Variants in NOS1 observed in about 807,000 individuals in gnomAD.
NOS1 encodes nitric oxide synthase 1, also known as NOS type I.
NOS1 carries 51 observed loss-of-function variants against 164.5 expected under a neutral mutation model. The observed-to-expected ratio is 0.31, with a 90% CI of 0.25 to 0.39. NOS1 has a LOEUF of 0.39. NOS1 is among the 10% of genes least tolerant of loss of function. The probability of loss-of-function intolerance (pLI) is 1.00; values close to 1 mark genes in which losing one functional copy is unlikely to be tolerated. For synonymous variants in NOS1, 719 were observed against 745.8 expected (o/e 0.96, Z 0.59); for missense variants, 1,362 against 1,885.6 (o/e 0.72, Z 5.14).
intron 20 of NOS1, among the ~76,000 whole-genome samples, chr12:117,236,557 A>C (rs1361770525): frequency 6.6e-6 from 1 of 152,180 alleles, no homozygotes; most frequent in Non-Finnish European, 1.5e-5. Context: ...GGGAACTTGC[A>C]CGACTGAGCC....
intron 2 of NOS1, among the ~76,000 whole-genome samples, chr12:117,324,379 C>G (rs1875136420): frequency 6.6e-6 from 1 of 152,136 alleles, no homozygotes; most frequent in African/African-American, 2.4e-5. Context: ...CTTTGGAACC[C>G]TCCTTCAGGG....
At chr12:117,226,372 G>C (rs982321330) in intron 24 of NOS1, among the ~76,000 whole-genome samples, 1 of 152,114 alleles carries the variant, frequency 6.6e-6, no homozygotes, top group African/African-American at 2.4e-5. Flanking sequence ...ATTTCCACTA[G>C]CCCATACGGT....
At chr12:117,294,213 C>T (rs1048694721) in intron 3 of NOS1, among the ~76,000 whole-genome samples, 12 of 152,124 alleles carry the variant, frequency 7.9e-5, no homozygotes, top group South Asian at 2.1e-4. Context: ...AATCCCAGGG[C>T]GGGGATGACA....
At chr12:117,283,036 T>TTATATATATATATA (rs397851004) in intron 7 of NOS1, among the ~76,000 whole-genome samples, 1 of 125,438 alleles carries the variant, frequency 8.0e-6, no homozygotes, top group African/African-American at 3.1e-5. Context: ...TCCTATAACA[T>TTATATATATATATA]TATATATATA....
chr12:117,283,342 G>A (rs905401865), intron 7 of NOS1, among the ~76,000 whole-genome samples: 40 of 152,288 alleles, frequency 2.6e-4, no homozygotes, highest in African/African-American at 9.1e-4. Context: ...GATTTCGGGC[G>A]TGAGCCACAG....
chr12:117,248,645 C>G (rs1037200325), intron 17 of NOS1, among the ~76,000 whole-genome samples: 1 of 151,938 alleles, frequency 6.6e-6, no homozygotes, highest in Admixed American at 6.6e-5. Flanking sequence ...TGAATAATGC[C>G]GCAATAAACA....
chr12:117,212,272 G>T lies in NOS1; in HGVS notation c.*3037C>A, dbSNP rs547965846. The T allele has an allele frequency of 4.1e-6, 4 of 985,106 alleles. No homozygotes were observed. The African/African-American group carries it at 7.0e-5, about 17-fold the overall frequency. 61.0% of individuals were successfully genotyped at this position (985,106 alleles called of 1,614,324 possible). A position where few individuals can be genotyped will look rare whatever the true frequency, so the allele number is the denominator to read the frequency against. On this transcript the variant is annotated 3_prime_UTR_variant, in exon 29 of 29. Transcript: ENST00000317775. ...TCAATCCACCTTGTTATACAGGTGG[G>T]TATGCAGACTCTAAAAGGTCAAGTG...
At chr12:117,226,596 C>T in intron 24 of NOS1, 87 bp downstream of exon 24, 1 of 1,132,992 alleles carries the variant, frequency 8.8e-7, no homozygotes, top group Non-Finnish European at 1.3e-6. Flanking sequence ...CTCTCTAGAA[C>T]CCTTCAGACT....
In NOS1 at chr12:117,293,351, C is replaced by T. The variant is rs879709942; in HGVS notation, c.853-2925G>A. Among the ~76,000 whole-genome samples, 5 of 152,274 alleles carry T rather than the reference C, an allele frequency of 3.3e-5. No homozygotes were observed. In the South Asian group the frequency reaches 6.2e-4, roughly 19 times the overall value. ...CCAACCATCTGTGCAGGACAAGCCA[C>T]GGGTGGGAGCTATCTTAATCATCAG... On this transcript the variant is annotated intron_variant, in intron 3 of 28. Coordinates refer to ENST00000317775, the MANE Select transcript of NOS1 (RefSeq NM_000620.5).
Position 117,215,089 on chromosome 12 carries a change from T to C in NOS1, c.*220A>G, listed in dbSNP as rs183343930. The C allele has an allele frequency of 1.6e-6, 2 of 1,240,856 alleles. No individual in the cohort carries two copies. The highest frequency in any genetic ancestry group is 4.2e-5 in the Admixed American group (1 of 23,914). The allele number at this position is 1,240,856 out of a possible 1,614,324, so 76.9% of individuals were successfully genotyped here. A position where few individuals can be genotyped will look rare whatever the true frequency, so the allele number is the denominator to read the frequency against. Reference sequence around the variant, plus strand: ...GGGAACAGAGTTTTGTAAGAGCCACTGCAGATTAGAAAAGCATTGCATCGC... The same window carrying C: ...GGGAACAGAGTTTTGTAAGAGCCACCGCAGATTAGAAAAGCATTGCATCGC... On this transcript the variant is annotated 3_prime_UTR_variant, in exon 29 of 29. Transcript: ENST00000317775.
chr12:117,214,263 C>A lies in NOS1; in HGVS notation c.*1046G>T. 1 of 985,360 alleles carries A rather than the reference C, an allele frequency of 1.0e-6. No individual in the cohort carries two copies. The highest frequency in any genetic ancestry group is 1.2e-6 in the Non-Finnish European group (1 of 829,932). The allele number at this position is 985,360 out of a possible 1,614,324, so 61.0% of individuals were successfully genotyped here. ...GGCACCAAAGCTTTAACATTTAATC[C>A]ATTCATATTCTTTAGGTTCGTATGA... On this transcript the variant is annotated 3_prime_UTR_variant, in exon 29 of 29. Transcript: ENST00000317775.
In NOS1 at chr12:117,280,718, C is replaced by T. The variant is rs138127941; in HGVS notation, c.1524+7G>A. 1.4e-4 allele frequency: 229 copies of T among 1,612,368 alleles called. 1 individual carries two copies. In the Middle Eastern group the frequency reaches 3.6e-3, roughly 26 times the overall value. ...TGGGGCAGGGTAGGGGGCGGAAACG[C>T]TCGCACCTCTGTGAACTGCACATTG... is the stretch of plus-strand genomic sequence containing the variant. On this transcript the variant is annotated splice_region_variant and intron_variant, in intron 8 of 28. Coordinates refer to ENST00000317775, the MANE Select transcript of NOS1 (RefSeq NM_000620.5).
chr12:117,260,434 G>C, intron 14 of NOS1, 31 bp downstream of exon 14: 1 of 1,605,742 alleles, frequency 6.2e-7, no homozygotes, highest in South Asian at 1.1e-5. Context: ...ACCATGAGAA[G>C]CTGGTGGAGC....
Position 117,234,627 on chromosome 12 carries a change from T to A in NOS1, c.3173A>T (p.Asp1058Val). Residue 1058 changes from aspartate (D) to valine (V), a missense_variant, in exon 21 of 29, where the codon GAC (aspartate) becomes GTC (valine). Physicochemically the swap from Asp to Val is radical, Grantham distance 152 (BLOSUM62 -3). Coordinates refer to ENST00000317775, the MANE Select transcript of NOS1 (RefSeq NM_000620.5). The surrounding 1 kb of genome is among the most constrained non-coding windows in gnomAD (Gnocchi z 4.3). ...CACCATCTGGTTGACAGGCGGCGCG[T>A]CCTCCAGCCGCTCGATCAGGGCATT... The part of the protein sequence containing the change: ...LVNALIERLE[D>V]APPVNQMVKV... The A allele has an allele frequency of 1.2e-6, 2 of 1,614,110 alleles. No individual in the cohort carries two copies. The highest frequency in any genetic ancestry group is 1.7e-6 in the Non-Finnish European group (2 of 1,180,006).
intron 12 of NOS1, among the ~76,000 whole-genome samples, chr12:117,264,788 C>G (rs373569309): frequency 6.6e-6 from 1 of 151,118 alleles, no homozygotes; most frequent in Non-Finnish European, 1.5e-5. Flanking sequence ...GGCTTGATAT[C>G]GGCTCACTGC....
intron 23 of NOS1, among the ~76,000 whole-genome samples, chr12:117,227,018 T>C (rs1439989018): frequency 1.3e-5 from 2 of 152,106 alleles, no homozygotes; most frequent in Non-Finnish European, 2.9e-5. Flanking sequence ...TGAAGGGTGC[T>C]TCTGGTGGCT....
Position 117,212,114 on chromosome 12 carries a change from T to C in NOS1, c.*3195A>G. ...CTGCACGAGAGGAACTGTGTTTTGC[T>C]TATCTCTGCAAACTGCCCGGTGCCT... On this transcript the variant is annotated 3_prime_UTR_variant, in exon 29 of 29. Transcript: ENST00000317775. The C allele has an allele frequency of 2.0e-6, 2 of 985,362 alleles. No individual in the cohort carries two copies. The highest frequency in any genetic ancestry group is 2.4e-6 in the Non-Finnish European group (2 of 829,898). 61.0% of individuals were successfully genotyped at this position (985,362 alleles called of 1,614,324 possible). A position where few individuals can be genotyped will look rare whatever the true frequency, so the allele number is the denominator to read the frequency against.
chr12:117,305,235 G>T (rs997629672), intron 3 of NOS1, among the ~76,000 whole-genome samples: 1 of 152,172 alleles, frequency 6.6e-6, no homozygotes, highest in Non-Finnish European at 1.5e-5. Context: ...GGCCGAGGCG[G>T]GTGGATCACA....
chr12:117,265,957 AT>A (rs60817517), intron 11 of NOS1, among the ~76,000 whole-genome samples: 90,451 of 143,880 alleles, frequency 0.63, 28,705 homozygotes, highest in Non-Finnish European at 0.7. Context: ...CGCCTGGCTA[AT>A]TTTTTTTTTT....
Sources: allele counts gnomAD v4.1 joint callset (sites outside exome capture counted in the v4.1 genomes callset), GRCh38; gene constraint gnomAD v4.1.1; non-coding constraint Gnocchi (gnomAD v3.1); transcripts MANE v1.5; gene names NCBI Gene and HGNC (gene_info 2026-07-23, HGNC 2026-07-21).